UBD: variants seen among roughly 807,000 people sequenced by gnomAD.
The protein encoded by UBD is ubiquitin D.
UBD carries 1 observed loss-of-function variant against 2.3 expected under a neutral mutation model. That is an observed-to-expected ratio of 0.43 (90% CI 0.15 to 2.06). The LOEUF (loss-of-function observed/expected upper bound fraction) is 2.06. Among genes scored for constraint, UBD ranks in the 30% most tolerant of loss-of-function variants. The probability of loss-of-function intolerance (pLI) is 0.29; values close to 1 mark genes in which losing one functional copy is unlikely to be tolerated. For missense variants in UBD, 175 were observed against 199.3 expected (o/e 0.88, Z 0.73); for synonymous variants, 75 against 76.5 (o/e 0.98, Z 0.10).
intron 1 of UBD, among the ~76,000 whole-genome samples, chr6:29,558,297 C>G (rs187679314): frequency 6.6e-6 from 1 of 152,172 alleles, no homozygotes; most frequent in Non-Finnish European, 1.5e-5. Flanking sequence ...CACCTTTAAA[C>G]ACGGGGCTTG....
At chr6:29,557,054 C>A (rs1479734267) in intron 1 of UBD, 5 of 152,138 alleles carry the variant, frequency 3.3e-5, no homozygotes. Context: ...CACAACTGAC[C>A]AGCAAAGTTA....
Position 29,556,006 on chromosome 6 carries a change from A to G in UBD, c.372T>C (p.Gly124=). 2 of 1,613,020 alleles carry G rather than the reference A, an allele frequency of 1.2e-6. No individual in the cohort carries two copies. The highest frequency in any genetic ancestry group is 1.7e-6 in the Non-Finnish European group (2 of 1,180,014). The part of the protein sequence containing the change: ...QVKAMIETKT[G]IIPETQIVTC... Reference sequence around the variant, plus strand: ...TCACAATCTGGGTCTCAGGGATTATACCCGTCTTAGTCTCGATCATTGCTT... The same window carrying G: ...TCACAATCTGGGTCTCAGGGATTATGCCCGTCTTAGTCTCGATCATTGCTT... Residue 124 remains glycine, a synonymous_variant, in exon 2 of 2, where the codon GGT becomes GGC. Transcript: ENST00000377050.
At chr6:29,559,586 G>T (rs556551132) in intron 1 of UBD, 89 bp downstream of exon 1, 2 of 1,450,590 alleles carry the variant, frequency 1.4e-6, no homozygotes, top group African/African-American at 1.4e-5. Flanking sequence ...AGAGCCCTGA[G>T]TACTGCCCAG....
In UBD at chr6:29,555,870, C is replaced by A. The variant is rs1174235918; in HGVS notation, c.*10G>T. 6.2e-7 allele frequency: 1 copy of A among 1,608,964 alleles called. No individual in the cohort carries two copies. The highest frequency in any genetic ancestry group is 2.2e-5 in the East Asian group (1 of 44,866). ...TTTTGACCCCTGCCAACACCCCATG[C>A]CCAGGGTGGTCACCCTCCAATACAA... On this transcript the variant is annotated 3_prime_UTR_variant, in exon 2 of 2. Transcript: ENST00000377050.
Sources: allele counts gnomAD v4.1 joint callset (sites outside exome capture counted in the v4.1 genomes callset), GRCh38; gene constraint gnomAD v4.1.1; transcripts MANE v1.5; gene names NCBI Gene and HGNC (gene_info 2026-07-23, HGNC 2026-07-21).